Variants in ADARB2 observed in about 807,000 individuals in gnomAD.
ADARB2 encodes adenosine deaminase RNA specific B2 (inactive).
A neutral mutation model predicts 62.2 loss-of-function variants in ADARB2; 25 were observed. That is an observed-to-expected ratio of 0.40 (90% CI 0.29 to 0.56). The LOEUF (loss-of-function observed/expected upper bound fraction) is 0.56. Among genes scored for constraint, ADARB2 ranks in the 20% least tolerant of loss-of-function variants. ADARB2 has a pLI of 0.43. For synonymous variants in ADARB2, 572 were observed against 500.8 expected (o/e 1.14, Z -1.90); for missense variants, 1,071 against 1,077.4 (o/e 0.99, Z 0.08).
At chr10:1,543,666 C>G (rs565212967) in intron 1 of ADARB2, among the ~76,000 whole-genome samples, 23 of 152,266 alleles carry the variant, frequency 1.5e-4, no homozygotes. Flanking sequence ...CATTCTTCAA[C>G]GGATAAAGGG....
intron 1 of ADARB2, among the ~76,000 whole-genome samples, chr10:1,493,739 T>C (rs1044763071): frequency 7.6e-4 from 18 of 23,684 alleles, no homozygotes; most frequent in African/African-American, 2.4e-3. Flanking sequence ...CTTTTTTTTT[T>C]TTTTTTTTTT....
rs541674527 is a variant in ADARB2 at position 1,471,639 on chromosome 10, C to T, written c.101-92479G>A. ...AACTCCTGACCTCAGGTGATCCTCC[C>T]GCCTTGGCCTCCCAAAGTGCTGGGA... On this transcript the variant is annotated intron_variant, in intron 1 of 9. Coordinates refer to ENST00000381312, the MANE Select transcript of ADARB2 (RefSeq NM_018702.4). 3.9e-5 allele frequency among the ~76,000 whole-genome samples: 6 copies of T among 152,214 alleles called. 1 individual carries two copies. The highest frequency in any genetic ancestry group is 2.1e-4 in the South Asian group (1 of 4,812).
intron 1 of ADARB2, among the ~76,000 whole-genome samples, chr10:1,710,765 G>A (rs932148090): frequency 6.6e-6 from 1 of 152,196 alleles, no homozygotes; most frequent in Non-Finnish European, 1.5e-5. Flanking sequence ...TTCACACCAT[G>A]CTCCTACCTT....
In ADARB2 at chr10:1,304,974, A is replaced by C. The variant is rs1294151920; in HGVS notation, c.1078-33905T>G. 3.4e-5 allele frequency among the ~76,000 whole-genome samples: 3 copies of C among 89,164 alleles called. 1 individual carries two copies. The highest frequency in any genetic ancestry group is 5.3e-5 in the Non-Finnish European group (2 of 37,864). 58.5% of individuals were successfully genotyped at this position (89,164 alleles called of 152,430 possible). The stretch of plus-strand genomic sequence containing the variant: ...ACATCACAATTAAAAGAACTAGAAA[A>C]GCAAGAGCAAACACATTCAAAAGCT... On this transcript the variant is annotated intron_variant, in intron 3 of 9. Transcript: ENST00000381312.
chr10:1,216,022 G>C (rs1330540923), intron 7 of ADARB2: 3 of 151,228 alleles, frequency 2.0e-5, no homozygotes, highest in Non-Finnish European at 4.4e-5. Context: ...AGAGCAACGT[G>C]GGGGAGGTCT....
chr10:1,733,801 C>G (rs924793447), intron 1 of ADARB2, among the ~76,000 whole-genome samples: 1 of 152,120 alleles, frequency 6.6e-6, no homozygotes, highest in Non-Finnish European at 1.5e-5. Context: ...AGTGCAATCT[C>G]CTGGTACTGT....
At chr10:1,592,086 G>A (rs548342033) in intron 1 of ADARB2, among the ~76,000 whole-genome samples, 51 of 152,364 alleles carry the variant, frequency 3.3e-4, no homozygotes, top group African/African-American at 1.1e-3. Context: ...TCCCTTTAGA[G>A]TGAATTCAAG....
At chr10:1,292,579 C>T (rs1204275238) in intron 3 of ADARB2, 1 of 152,216 alleles carries the variant, frequency 6.6e-6, no homozygotes, top group Non-Finnish European at 1.5e-5. Flanking sequence ...GGTTCCGTCG[C>T]CCTGAAACCT....
chr10:1,673,256 T>C (rs1234532247), intron 1 of ADARB2, among the ~76,000 whole-genome samples: 2 of 152,142 alleles, frequency 1.3e-5, no homozygotes, highest in Non-Finnish European at 2.9e-5. Flanking sequence ...TACATGTATA[T>C]GTATAATAGA....
At chr10:1,563,808 G>C (rs113341926) in intron 1 of ADARB2, among the ~76,000 whole-genome samples, 41,501 of 125,732 alleles carry the variant, frequency 0.33, 7,469 homozygotes, top group East Asian at 0.6. Flanking sequence ...AGTCCTCAGA[G>C]TGTGATGTTC....
rs2131730717 is a variant in ADARB2, at chr10:1,179,818, G to T, written c.*3375C>A. The T allele has an allele frequency of 6.6e-6, 1 of 152,412 alleles. No individual in the cohort carries two copies. Among genetic ancestry groups the T allele is most frequent in the South Asian group, 2.1e-4 (1 of 4,822 alleles). 9.4% of individuals were successfully genotyped at this position (152,412 alleles called of 1,614,324 possible). A position where few individuals can be genotyped will look rare whatever the true frequency, so the allele number is the denominator to read the frequency against. On this transcript the variant is annotated 3_prime_UTR_variant, in exon 10 of 10. Coordinates refer to ENST00000381312, the MANE Select transcript of ADARB2 (RefSeq NM_018702.4). ...CGGTGTCAGGTGGTGGGAAGTGCGA[G>T]GAAGCCAGACGGTGATTTCGAGGTG...
intron 8 of ADARB2, among the ~76,000 whole-genome samples, chr10:1,190,559 T>C (rs1836828601): frequency 6.6e-6 from 1 of 152,168 alleles, no homozygotes; most frequent in Non-Finnish European, 1.5e-5. Flanking sequence ...AGGCTGGAAG[T>C]CTGAAGGTGT....
Position 1,610,048 on chromosome 10 carries a change from A to ATT in ADARB2, c.100+127001_100+127002dup, listed in dbSNP as rs34034912. On this transcript the variant is annotated intron_variant, in intron 1 of 9. Coordinates refer to ENST00000381312, the MANE Select transcript of ADARB2 (RefSeq NM_018702.4). ...GCCACCAGCTGAATTGGATTGCTGC[A>ATT]TTTTTTTTTTTATTATTACTGCCTG... is the stretch of plus-strand genomic sequence containing the variant. Among the ~76,000 whole-genome samples the ATT allele has an allele frequency of 1.7e-3, 258 of 150,152 alleles. 1 individual carries two copies. The highest frequency in any genetic ancestry group is 3.6e-3 in the African/African-American group (146 of 40,890).
chr10:1,654,167 A>G (rs375852129), intron 1 of ADARB2, among the ~76,000 whole-genome samples: 148 of 152,258 alleles, frequency 9.7e-4, no homozygotes, highest in African/African-American at 3.3e-3. Context: ...TCCACTTGAA[A>G]TGGGGTGAAA....
intron 4 of ADARB2, among the ~76,000 whole-genome samples, chr10:1,245,758 T>C (rs1488418378): frequency 6.6e-6 from 1 of 152,190 alleles, no homozygotes; most frequent in East Asian, 1.9e-4. Context: ...TTTGGTTGGT[T>C]CCAAGTCTTT....
At chr10:1,350,739 T>C (rs1415353415) in intron 3 of ADARB2, among the ~76,000 whole-genome samples, 1 of 152,102 alleles carries the variant, frequency 6.6e-6, no homozygotes, top group Non-Finnish European at 1.5e-5. Flanking sequence ...CATCTTATTC[T>C]CAATATACAT....
intron 1 of ADARB2, among the ~76,000 whole-genome samples, chr10:1,543,089 G>A (rs1832461918): frequency 6.6e-6 from 1 of 152,252 alleles, no homozygotes; most frequent in Non-Finnish European, 1.5e-5. Flanking sequence ...GGGTTGTTGG[G>A]ACGGAAGGGA....
At chr10:1,556,970 C>A (rs1163412838) in intron 1 of ADARB2, 1 of 393,884 alleles carries the variant, frequency 2.5e-6, no homozygotes, top group South Asian at 2.0e-5. Context: ...TTAATCCAGA[C>A]AATTTTCACC....
chr10:1,585,950 T>C (rs908628751), intron 1 of ADARB2, among the ~76,000 whole-genome samples: 4 of 152,000 alleles, frequency 2.6e-5, no homozygotes, highest in African/African-American at 4.8e-5. Flanking sequence ...AGGAGAATGG[T>C]GTGAACCTGG....
Sources: allele counts gnomAD v4.1 joint callset (sites outside exome capture counted in the v4.1 genomes callset), GRCh38; gene constraint gnomAD v4.1.1; transcripts MANE v1.5; gene names NCBI Gene and HGNC (gene_info 2026-07-23, HGNC 2026-07-21).